Variants in DLG2 observed in about 807,000 individuals in gnomAD.
The protein encoded by DLG2 is disks large homolog 2.
In DLG2, 45 loss-of-function variants were observed where a neutral mutation model predicts 132.5. The ratio of observed to expected loss-of-function variants is 0.34; its 90% confidence interval spans 0.27 to 0.44. The LOEUF (loss-of-function observed/expected upper bound fraction) is 0.44, where lower values mean the gene tolerates loss of function less well. Ranked by LOEUF, DLG2 falls within the 20% of genes least tolerant of loss-of-function variation. The probability of loss-of-function intolerance (pLI) is 1.00; values close to 1 mark genes in which losing one functional copy is unlikely to be tolerated. For missense variants in DLG2, 1,045 were observed against 1,196.9 expected (o/e 0.87, Z 1.87); for synonymous variants, 424 against 419.6 (o/e 1.01, Z -0.13).
At chr11:83,694,659 A>G (rs1210940983) in intron 18 of DLG2, among the ~76,000 whole-genome samples, 1 of 152,154 alleles carries the variant, frequency 6.6e-6, no homozygotes, top group Non-Finnish European at 1.5e-5. Context: ...TCTTCCTAGT[A>G]TGCTCTATTT....
chr11:84,732,288 G>A (rs1485630995), intron 6 of DLG2, among the ~76,000 whole-genome samples: 1 of 152,000 alleles, frequency 6.6e-6, no homozygotes, highest in Non-Finnish European at 1.5e-5. Flanking sequence ...CTTCTGGAAT[G>A]GATTTGCTTG....
intron 10 of DLG2, among the ~76,000 whole-genome samples, chr11:84,069,121 G>A (rs982857246): frequency 6.6e-6 from 1 of 152,144 alleles, no homozygotes; most frequent in African/African-American, 2.4e-5. Context: ...CAGAGGTGCT[G>A]ATTCAGTAGG....
chr11:85,119,107 G>C (rs577699385), intron 5 of DLG2, among the ~76,000 whole-genome samples: 9 of 151,938 alleles, frequency 5.9e-5, no homozygotes, highest in African/African-American at 2.2e-4. Context: ...ATGAGAAAAA[G>C]TACATGAAAG....
chr11:83,507,484 C>CAT (rs1376094482), intron 21 of DLG2, among the ~76,000 whole-genome samples: 3 of 140,184 alleles, frequency 2.1e-5, no homozygotes, highest in East Asian at 2.1e-4. Flanking sequence ...TATATATATC[C>CAT]ATATATATAC....
chr11:84,265,933 A>T (rs2097622990), intron 7 of DLG2, among the ~76,000 whole-genome samples: 1 of 152,146 alleles, frequency 6.6e-6, no homozygotes, highest in African/African-American at 2.4e-5. Flanking sequence ...TGCTACATGG[A>T]AGAGGACTGC....
At chr11:84,499,691 A>AT (rs992383355) in intron 7 of DLG2, among the ~76,000 whole-genome samples, 5 of 151,696 alleles carry the variant, frequency 3.3e-5, no homozygotes, top group Admixed American at 6.6e-5. Context: ...AGATACTTAC[A>AT]TTTTTTTCAC....
intron 4 of DLG2, among the ~76,000 whole-genome samples, chr11:85,195,066 TGAAGCCCAG>T (rs1424508629): frequency 3.9e-5 from 6 of 152,178 alleles, no homozygotes; most frequent in Non-Finnish European, 8.8e-5. Context: ...TCTCAAGCTC[TGAAGCCCAG>T]GAAGAACAAG....
At chr11:83,657,209 C>G (rs548116164) in intron 18 of DLG2, among the ~76,000 whole-genome samples, 35 of 152,318 alleles carry the variant, frequency 2.3e-4, no homozygotes, top group Middle Eastern at 3.4e-3. Context: ...CATCATGAGT[C>G]AATTGGATGG....
intron 6 of DLG2, among the ~76,000 whole-genome samples, chr11:84,638,263 C>G (rs990017423): frequency 1.7e-4 from 26 of 152,068 alleles, no homozygotes; most frequent in Non-Finnish European, 1.5e-5. Context: ...TCCTTGGCAC[C>G]AAATGGAAGG....
In DLG2 at chr11:85,111,514, C is replaced by A. The variant is rs982300891; in HGVS notation, c.357+147G>T. 5 of 600,806 alleles carry A rather than the reference C, an allele frequency of 8.3e-6. No individual in the cohort carries two copies. In the African/African-American group the frequency reaches 9.5e-5, roughly 11 times the overall value. 37.2% of individuals were successfully genotyped at this position (600,806 alleles called of 1,614,324 possible). On this transcript the variant is annotated intron_variant, in intron 6 of 27. Coordinates refer to ENST00000376104, the MANE Select transcript of DLG2 (RefSeq NM_001142699.3). ...CACTGATATTTTTTATAATGCAAAG[C>A]TTTCTGAAAGATTATTCTTTCTCCT... is the stretch of plus-strand genomic sequence containing the variant.
intron 19 of DLG2, among the ~76,000 whole-genome samples, chr11:83,588,808 G>T (rs2097137430): frequency 6.7e-6 from 1 of 149,844 alleles, no homozygotes; most frequent in East Asian, 2.0e-4. Flanking sequence ...AGCTGATGGA[G>T]CTGAAAACCA....
intron 6 of DLG2, among the ~76,000 whole-genome samples, chr11:84,543,650 C>G (rs746087676): frequency 1.3e-5 from 2 of 152,060 alleles, no homozygotes; most frequent in South Asian, 4.2e-4. Flanking sequence ...GCAGCCAGAT[C>G]TATCTTCAAA....
rs1245210781 is a variant in DLG2 at position 84,782,126 on chromosome 11, C to T, written c.358-247395G>A. On this transcript the variant is annotated intron_variant, in intron 6 of 27. Transcript: ENST00000376104. Reference sequence around the variant, plus strand: ...GATACCTGCAAAACCCCACGGGTAACAGACACACACATGTAGCCCAGGTGT... The same window carrying T: ...GATACCTGCAAAACCCCACGGGTAATAGACACACACATGTAGCCCAGGTGT... 2.6e-5 allele frequency among the ~76,000 whole-genome samples: 4 copies of T among 152,080 alleles called. No individual in the cohort carries two copies. In the East Asian group the frequency reaches 7.7e-4, roughly 29 times the overall value.
At chr11:85,290,642 T>C (rs909194416) in intron 3 of DLG2, among the ~76,000 whole-genome samples, 1 of 152,066 alleles carries the variant, frequency 6.6e-6, no homozygotes, top group South Asian at 2.1e-4. Flanking sequence ...TTAGTATGGA[T>C]ATTATTGACT....
At chr11:85,400,689 A>G (rs2087976852) in intron 3 of DLG2, among the ~76,000 whole-genome samples, 1 of 149,200 alleles carries the variant, frequency 6.7e-6, no homozygotes, top group African/African-American at 2.5e-5. Context: ...AGGACAAAAA[A>G]CCAAACACCG....
At chr11:84,932,875 C>G (rs1177027998) in intron 6 of DLG2, among the ~76,000 whole-genome samples, 2 of 152,008 alleles carry the variant, frequency 1.3e-5, no homozygotes, top group Non-Finnish European at 2.9e-5. Context: ...GGGTACGTAC[C>G]CAGTAATGGG....
intron 9 of DLG2, among the ~76,000 whole-genome samples, chr11:84,141,954 A>G (rs1335803291): frequency 2.0e-5 from 3 of 152,076 alleles, no homozygotes; most frequent in South Asian, 4.1e-4. Flanking sequence ...TTTGTTGGTT[A>G]TTTTTGCTGT....
chr11:85,056,318 T>C (rs550784782), intron 6 of DLG2, among the ~76,000 whole-genome samples: 4 of 152,108 alleles, frequency 2.6e-5, no homozygotes, highest in Admixed American at 2.6e-4. Context: ...GAAAACTATA[T>C]CTTTGAAAAA....
At chr11:85,365,631 C>A (rs1215457186) in intron 3 of DLG2, among the ~76,000 whole-genome samples, 5 of 152,144 alleles carry the variant, frequency 3.3e-5, no homozygotes, top group Non-Finnish European at 7.3e-5. Context: ...GACACATGCA[C>A]ATGTATGTTT....
Sources: gnomAD v4.1 joint callset for allele counts (sites outside exome capture counted in the v4.1 genomes callset) on GRCh38, gnomAD v4.1.1 for gene constraint, MANE v1.5 for transcripts, NCBI Gene and HGNC (gene_info 2026-07-23, HGNC 2026-07-21) for gene names.